SLFN13: variants seen among roughly 807,000 people sequenced by gnomAD.
SLFN13 encodes the protein schlafen-13.
In SLFN13, 43 loss-of-function variants were observed where a neutral mutation model predicts 50.6. The ratio of observed to expected loss-of-function variants is 0.85; its 90% CI spans 0.67 to 1.09. SLFN13 has a LOEUF of 1.09. SLFN13 is among the 50% of genes least tolerant of loss of function. The pLI, the probability that SLFN13 is intolerant of heterozygous loss-of-function variation, is 0.00. For synonymous variants in SLFN13, 339 were observed against 386.5 expected, an observed-to-expected ratio of 0.88 and a Z score of 1.44; for missense variants, 881 against 1,071.1, an observed-to-expected ratio of 0.82 and a Z score of 2.48.
At chr17:35,444,523 G>A in intron 3 of SLFN13, 92 bp downstream of exon 3, 1 of 1,136,032 alleles carries the variant, frequency 8.8e-7, no homozygotes. Flanking sequence ...ATTTCAGTGG[G>A]TGTGAGAAGG....
chr17:35,436,403 T>C lies in SLFN13; in HGVS notation c.*4192A>G, dbSNP rs1431176583. On this transcript the variant is annotated 3_prime_UTR_variant, in exon 6 of 6. Transcript: ENST00000285013. ...AAGAATGTGATCAGTATCAGTTCTC[T>C]GAACTCTTTGAATAATTACTTTTTA... 6.6e-6 allele frequency: 1 copy of C among 152,142 alleles called. No homozygotes were observed. The highest frequency in any genetic ancestry group is 1.5e-5 in the Non-Finnish European group (1 of 68,032). 9.4% of individuals were successfully genotyped at this position (152,142 alleles called of 1,614,324 possible).
At position 35,444,807 on chromosome 17, in the gene SLFN13, C is replaced by T. The variant is rs770795429; in HGVS notation, c.874G>A (p.Val292Ile). 1 of 1,614,188 alleles carries T rather than the reference C, an allele frequency of 6.2e-7. No individual in the cohort carries two copies. Among genetic ancestry groups the T allele is most frequent in the Non-Finnish European group, 8.5e-7 (1 of 1,180,022 alleles). The change falls in exon 3 of 6, where the codon GTA (valine) becomes ATA (isoleucine). Residue 292 changes from valine to isoleucine, a missense_variant. This residue lies in a region of SLFN13 where 497 missense variants were observed against 518.3 expected (regional missense o/e 0.96). Coordinates refer to ENST00000285013, the MANE Select transcript of SLFN13 (RefSeq NM_144682.6). ...TCTACGATTTTGGTGCTGTACTCTA[C>T]CCGAGGTTTTGAAGAGCAAAAATGA... is the stretch of plus-strand genomic sequence containing the variant. ...IVHFCSSKPRVEYSTKIVEVF... is the reference protein window; with the variant it reads ...IVHFCSSKPRIEYSTKIVEVF...
In SLFN13 at chr17:35,437,172, A is replaced by G. The variant is rs1202490152; in HGVS notation, c.*3423T>C. The G allele has an allele frequency of 5.3e-5, 8 of 152,064 alleles. No individual in the cohort carries two copies. Among genetic ancestry groups the G allele is most frequent in the Non-Finnish European group, 1.2e-4 (8 of 68,022 alleles). The allele number at this position is 152,064 out of a possible 1,614,324, so 9.4% of individuals were successfully genotyped here. On this transcript the variant is annotated 3_prime_UTR_variant, in exon 6 of 6. Transcript: ENST00000285013. ...CTGGGCACACTGACATTTAATAACT[A>G]ATTTTAAACTTTTGATTGTTTTATT...
At chr17:35,443,734 C>T (rs768902966) in intron 4 of SLFN13, 55 bp downstream of exon 4, 110 of 1,556,658 alleles carry the variant, frequency 7.1e-5, no homozygotes, top group Middle Eastern at 1.7e-4. Context: ...TTGTTTTCCA[C>T]GAAATGTATT....
Position 35,440,628 on chromosome 17 carries a change from G to A in SLFN13, c.2661C>T (p.Ser887=), listed in dbSNP as rs1308715766. Residue 887 remains serine (S), a synonymous_variant, in exon 6 of 6, where the codon TCC becomes TCT. Transcript: ENST00000285013. ...ILPNILICLA[S]RAKQHLYIFL is the part of the protein sequence containing the mutation. ...AAATATATAGGTGCTGTTTTGCCCT[G>A]GAAGCCAGACAGATCAGAATATTGG... The A allele has an allele frequency of 1.9e-6, 3 of 1,614,004 alleles. No homozygotes were observed. In the African/African-American group the frequency reaches 4.0e-5, roughly 22 times the overall value.
chr17:35,441,148 C>A lies in SLFN13; in HGVS notation c.2141G>T (p.Gly714Val), dbSNP rs1355423923. 4 of 1,613,892 alleles carry A rather than the reference C, an allele frequency of 2.5e-6. No homozygotes were observed. The highest frequency in any genetic ancestry group is 3.4e-6 in the Non-Finnish European group (4 of 1,179,986). Residue 714 changes from glycine to valine, a missense_variant, in exon 6 of 6, where the codon GGC (glycine) becomes GTC (valine). This residue lies in a region of SLFN13 where 322 missense variants were observed against 327.4 expected (regional missense o/e 0.98). Coordinates refer to ENST00000285013, the MANE Select transcript of SLFN13 (RefSeq NM_144682.6). ...YFQTSHLGHSGLPPLSAQYPR... is the reference protein window; with the variant it reads ...YFQTSHLGHSVLPPLSAQYPR... ...ATACTGTGCTGAGAGAGGGGGAAGGCCACTGTGACCCAAGTGACTGGTCTG... is the reference window on the plus strand; with the variant it reads ...ATACTGTGCTGAGAGAGGGGGAAGGACACTGTGACCCAAGTGACTGGTCTG...
intron 4 of SLFN13, 116 bp downstream of exon 4, chr17:35,443,673 G>T: frequency 9.3e-7 from 1 of 1,078,948 alleles, no homozygotes. Flanking sequence ...AGAGGCTTGT[G>T]GCATTGTCAC....
rs761287770 is a variant in SLFN13 at position 35,440,546 on chromosome 17, A to G, written c.*49T>C. ...TTCTACCATCAGCAGACTGTCACCC[A>G]TAGACATTTACACAGTATTTTGGTT... On this transcript the variant is annotated 3_prime_UTR_variant, in exon 6 of 6. Transcript: ENST00000285013. 2.2e-5 allele frequency: 35 copies of G among 1,589,948 alleles called. 1 individual carries two copies. The South Asian group carries it at 2.6e-4, about 12-fold the overall frequency.
Position 35,445,271 on chromosome 17 carries a change from C to G in SLFN13, c.410G>C (p.Arg137Thr). The G allele has an allele frequency of 6.2e-7, 1 of 1,613,938 alleles. No homozygotes were observed. The change falls in exon 3 of 6, where the codon AGA becomes ACA. Residue 137 changes from arginine (R) to threonine (T), a missense_variant. Arg to Thr is a moderately conservative substitution (Grantham distance 71). Around this residue, in one of 5 missense-constraint regions of SLFN13, gnomAD observed 497 missense variants for 518.3 expected, o/e 0.96. Transcript: ENST00000285013. ...CATGTGAAGCACAGAGGTGCCAGAT[C>G]TACAGTATAATGAAGAACTAAGGCT... is the stretch of plus-strand genomic sequence containing the variant. ...ICSLSSSLYC[R>T]SGTSVLHMNS...
chr17:35,447,453 AG>A (rs1364051565), intron 1 of SLFN13, 39 bp from the exon 2 acceptor site: 7 of 152,246 alleles, frequency 4.6e-5, no homozygotes, highest in Admixed American at 3.9e-4. Context: ...AGTAGAGTTC[AG>A]GGGTCAAGAT....
chr17:35,443,532 C>T (rs974686695), intron 4 of SLFN13, among the ~76,000 whole-genome samples: 3 of 152,094 alleles, frequency 2.0e-5, no homozygotes, highest in African/African-American at 4.8e-5. Flanking sequence ...GGAAATTAAG[C>T]GTTCATAAGT....
rs1912742683 is a variant in SLFN13 at position 35,439,450 on chromosome 17, A to ATTCTTT, written c.*1144_*1145insAAAGAA. The ATTCTTT allele has an allele frequency of 6.6e-6, 1 of 151,284 alleles. No individual in the cohort carries two copies. 9.4% of individuals were successfully genotyped at this position (151,284 alleles called of 1,614,324 possible). On this transcript the variant is annotated 3_prime_UTR_variant, in exon 6 of 6. Transcript: ENST00000285013. ...GCATACAGCTACGCTGAGATGTTAC[A>ATTCTTT]ATGTAACAACATAAACTCACTGCAT...
In SLFN13 at chr17:35,444,610, C is replaced by T. The variant is rs1251749440; in HGVS notation, c.1066+5G>A. 1 of 1,612,180 alleles carries T rather than the reference C, an allele frequency of 6.2e-7. No homozygotes were observed. The highest frequency in any genetic ancestry group is 2.2e-5 in the East Asian group (1 of 44,856). On this transcript the variant is annotated splice_donor_5th_base_variant and intron_variant, in intron 3 of 5. Coordinates refer to ENST00000285013, the MANE Select transcript of SLFN13 (RefSeq NM_144682.6). ...TCAGGAAGGGAGAATCTGGTTCCCT[C>T]TTACCTGGATCTGCGTCCATCATTT...
chr17:35,447,372 C>T lies in SLFN13; in HGVS notation c.-118G>A, dbSNP rs1272808066. 1.3e-5 allele frequency: 2 copies of T among 152,104 alleles called. No individual in the cohort carries two copies. The highest frequency in any genetic ancestry group is 2.9e-5 in the Non-Finnish European group (2 of 68,028). 9.4% of individuals were successfully genotyped at this position (152,104 alleles called of 1,614,324 possible). On this transcript the variant is annotated 5_prime_UTR_variant, in exon 2 of 6. Coordinates refer to ENST00000285013, the MANE Select transcript of SLFN13 (RefSeq NM_144682.6). The stretch of plus-strand genomic sequence containing the variant: ...ACTTCCCACCAGCACAGTGAATGCC[C>T]ACCGCCTGCTGTCTTCTTCCACCAA...
Position 35,440,934 on chromosome 17 carries a change from C to T in SLFN13, c.2355G>A (p.Leu785=). ...CTGCCACATAGGTCACTATTTGCTC[C>T]AAAGTAAAGTTTTTAATAATCTTTG... The part of the protein sequence containing the change: ...GNTKIIKNFT[L]EQIVTYVADT... The change falls in exon 6 of 6, where the codon TTG becomes TTA. Residue 785 remains leucine, a synonymous_variant. Transcript: ENST00000285013. 6.2e-7 allele frequency: 1 copy of T among 1,613,816 alleles called. No homozygotes were observed. The highest frequency in any genetic ancestry group is 8.5e-7 in the Non-Finnish European group (1 of 1,180,016).
Position 35,440,427 on chromosome 17 carries a change from C to G in SLFN13, c.*168G>C. ...CTGCTGAAAAGAGTTGGGGGAGGAA[C>G]CCCTGAAAGGAGAGCCAGAAATGGG... is the stretch of plus-strand genomic sequence containing the variant. On this transcript the variant is annotated 3_prime_UTR_variant, in exon 6 of 6. Transcript: ENST00000285013. 1 of 771,912 alleles carries G rather than the reference C, an allele frequency of 1.3e-6. No homozygotes were observed. The highest frequency in any genetic ancestry group is 1.9e-5 in the South Asian group (1 of 53,314). 47.8% of individuals were successfully genotyped at this position (771,912 alleles called of 1,614,324 possible).
rs1912873372 is a variant in SLFN13 at position 35,441,298 on chromosome 17, T to TG, written c.1990dup (p.His664ProfsTer5). On this transcript the variant is annotated frameshift_variant, in exon 6 of 6. Transcript: ENST00000285013. LOFTEE classifies it low-confidence loss of function (END_TRUNC). The stretch of plus-strand genomic sequence containing the variant: ...ATTCTGAGCTTCGTCAATGACGATG[T>TG]GTTGAATGTGTTCAAATTTTTCTCT... The TG allele has an allele frequency of 1.2e-6, 2 of 1,613,490 alleles. 1 individual carries two copies.
In SLFN13 at chr17:35,441,012, C is replaced by T. The variant is rs1912839674; in HGVS notation, c.2277G>A (p.Gly759=). 6.2e-7 allele frequency: 1 copy of T among 1,612,744 alleles called. No individual in the cohort carries two copies. Among genetic ancestry groups the T allele is most frequent in the African/African-American group, 1.3e-5 (1 of 74,898 alleles). Residue 759 remains glycine, a synonymous_variant, in exon 6 of 6, where the codon GGG becomes GGA. Coordinates refer to ENST00000285013, the MANE Select transcript of SLFN13 (RefSeq NM_144682.6). ...TAGCTTCACTGAGAATTGCCAGATA[C>T]CCATGGGGGATATTAATTGGAGGAT... The part of the protein sequence containing the change: ...IENPPINIPH[G]YLAILSEAKW...
At chr17:35,442,552 T>A (rs1912975406) in intron 4 of SLFN13, among the ~76,000 whole-genome samples, 1 of 152,228 alleles carries the variant, frequency 6.6e-6, no homozygotes. Context: ...CAGGCCATTC[T>A]CCTGCCTCAG....
Sources: gnomAD v4.1 joint callset for allele counts (sites outside exome capture counted in the v4.1 genomes callset) on GRCh38, gnomAD v4.1.1 for gene constraint, gnomAD v4.1.1 regional missense constraint, MANE v1.5 for transcripts, NCBI Gene and HGNC (gene_info 2026-07-23, HGNC 2026-07-21) for gene names.